PTPRM: variants seen among roughly 807,000 people sequenced by gnomAD.
PTPRM encodes the protein protein tyrosine phosphatase receptor type M, also known as receptor-type tyrosine-protein phosphatase mu.
A neutral mutation model predicts 186.7 loss-of-function variants in PTPRM; 47 were observed. The observed-to-expected ratio is 0.25, with a 90% confidence interval of 0.20 to 0.32. PTPRM has a LOEUF of 0.32. PTPRM is among the 10% of genes least tolerant of loss of function. The pLI, the probability that PTPRM is intolerant of heterozygous loss-of-function variation, is 1.00. For synonymous variants in PTPRM, 668 were observed against 674.9 expected, an observed-to-expected ratio of 0.99 and a Z score of 0.16; for missense variants, 1,494 against 1,865.0, an observed-to-expected ratio of 0.80 and a Z score of 3.66.
At chr18:7,594,350 G>C (rs559097637) in intron 1 of PTPRM, among the ~76,000 whole-genome samples, 45 of 152,098 alleles carry the variant, frequency 3.0e-4, no homozygotes, top group African/African-American at 9.9e-4. Flanking sequence ...CATGATGGCA[G>C]GTGCCTGTAA....
intron 1 of PTPRM, among the ~76,000 whole-genome samples, chr18:7,629,095 T>C (rs1482831771): frequency 6.6e-6 from 1 of 152,142 alleles, no homozygotes; most frequent in Admixed American, 6.5e-5. Context: ...GGTACACTCA[T>C]GGAAGCAGCC....
intron 19 of PTPRM, among the ~76,000 whole-genome samples, chr18:8,257,212 G>A (rs1214265730): frequency 6.6e-6 from 1 of 152,152 alleles, no homozygotes; most frequent in Non-Finnish European, 1.5e-5. Context: ...GGTGAAAGAG[G>A]GTAGCCATCC....
chr18:7,732,298 C>T (rs1234271274), intron 1 of PTPRM, among the ~76,000 whole-genome samples: 1 of 151,914 alleles, frequency 6.6e-6, no homozygotes, highest in African/African-American at 2.4e-5. Flanking sequence ...GAGCTGGCTT[C>T]GAAGGTGGTG....
intron 15 of PTPRM, among the ~76,000 whole-genome samples, chr18:8,246,563 C>T (rs1004272845): frequency 6.6e-6 from 1 of 152,038 alleles, no homozygotes; most frequent in African/African-American, 2.4e-5. Flanking sequence ...ACATCTTTAC[C>T]AACCACATAA....
At chr18:7,916,770 TATC>T (rs748503313) in intron 4 of PTPRM, among the ~76,000 whole-genome samples, 5 of 152,204 alleles carry the variant, frequency 3.3e-5, no homozygotes, top group Non-Finnish European at 5.9e-5. Flanking sequence ...CTCAAACATT[TATC>T]ATTTTTTTGT....
At chr18:8,352,104 T>C (rs1370885032) in intron 23 of PTPRM, among the ~76,000 whole-genome samples, 3 of 152,182 alleles carry the variant, frequency 2.0e-5, no homozygotes, top group Non-Finnish European at 1.5e-5. Context: ...AATCCAAAGA[T>C]AGTTATAATT....
chr18:7,675,376 CA>C (rs886400537), intron 1 of PTPRM, among the ~76,000 whole-genome samples: 1 of 152,102 alleles, frequency 6.6e-6, no homozygotes, highest in Admixed American at 6.6e-5. Context: ...AGATGAATAA[CA>C]TCCGCTGTGC....
intron 14 of PTPRM, among the ~76,000 whole-genome samples, chr18:8,224,912 T>C (rs112164803): frequency 1.4e-4 from 21 of 152,320 alleles, no homozygotes; most frequent in African/African-American, 5.1e-4. Context: ...TAAGTAGTGT[T>C]CTGTACTTCC....
intron 1 of PTPRM, among the ~76,000 whole-genome samples, chr18:7,698,800 G>A (rs1295064509): frequency 6.6e-6 from 1 of 152,146 alleles, no homozygotes; most frequent in Non-Finnish European, 1.5e-5. Context: ...TGGTTATGTG[G>A]TATTGTCACA....
At chr18:8,298,903 C>G (rs1027562192) in intron 20 of PTPRM, among the ~76,000 whole-genome samples, 1 of 152,094 alleles carries the variant, frequency 6.6e-6, no homozygotes. Context: ...TGCTTGAGGC[C>G]AGGAGTTGGA....
intron 7 of PTPRM, among the ~76,000 whole-genome samples, chr18:8,062,974 G>A (rs1428652566): frequency 1.3e-5 from 2 of 149,286 alleles, no homozygotes; most frequent in African/African-American, 2.5e-5. Flanking sequence ...CTAGAGCTGT[G>A]GTGGGCTCCA....
chr18:7,855,880 A>G (rs1382432571), intron 2 of PTPRM, among the ~76,000 whole-genome samples: 1 of 152,360 alleles, frequency 6.6e-6, no homozygotes, highest in East Asian at 1.9e-4. Flanking sequence ...GTTGTCAGGA[A>G]TGTGGCTGAA....
At chr18:8,232,050 C>A (rs1179661712) in intron 14 of PTPRM, among the ~76,000 whole-genome samples, 1 of 152,200 alleles carries the variant, frequency 6.6e-6, no homozygotes, top group Non-Finnish European at 1.5e-5. Flanking sequence ...CAGCCTAGAA[C>A]CTCCTCTGTG....
intron 9 of PTPRM, among the ~76,000 whole-genome samples, chr18:8,082,586 C>T (rs2090192913): frequency 6.7e-6 from 1 of 148,882 alleles, no homozygotes; most frequent in South Asian, 2.2e-4. Flanking sequence ...ACAGCTTTCT[C>T]TCCTTTGGCT....
chr18:8,178,850 G>A lies in PTPRM; in HGVS notation c.2300+35071G>A, dbSNP rs530517694. Among the ~76,000 whole-genome samples the A allele has an allele frequency of 1.2e-4, 18 of 152,156 alleles. No individual in the cohort carries two copies. The East Asian group carries it at 3.3e-3, about 28-fold the overall frequency. On this transcript the variant is annotated intron_variant, in intron 14 of 32. Transcript: ENST00000580170. ...CTTTGATGGAACTTTGTTCCATTAG[G>A]ATCTCAGATAAAATGTTTTAAAGCC... is the stretch of plus-strand genomic sequence containing the variant.
At chr18:8,251,761 G>A (rs2094530118) in intron 17 of PTPRM, 1 of 151,876 alleles carries the variant, frequency 6.6e-6, no homozygotes, top group South Asian at 2.1e-4. Flanking sequence ...AAGCACCCTT[G>A]GACTAAATTT....
At chr18:7,589,514 G>A (rs2143607887) in intron 1 of PTPRM, among the ~76,000 whole-genome samples, 1 of 152,250 alleles carries the variant, frequency 6.6e-6, no homozygotes, top group East Asian at 1.9e-4. Context: ...TTTCTAGATA[G>A]AGACCTGAAC....
At chr18:8,081,129 C>G (rs1044110631) in intron 9 of PTPRM, among the ~76,000 whole-genome samples, 2 of 152,166 alleles carry the variant, frequency 1.3e-5, no homozygotes, top group South Asian at 4.1e-4. Flanking sequence ...TCTTCTATAA[C>G]ATGCAAGTCA....
intron 5 of PTPRM, among the ~76,000 whole-genome samples, chr18:7,929,125 T>C (rs1427205713): frequency 6.6e-6 from 1 of 152,168 alleles, no homozygotes. Flanking sequence ...TATTAAAGAC[T>C]CTCCAAGTGA....
Sources: allele counts gnomAD v4.1 joint callset (sites outside exome capture counted in the v4.1 genomes callset), GRCh38; gene constraint gnomAD v4.1.1; transcripts MANE v1.5; gene names NCBI Gene and HGNC (gene_info 2026-07-23, HGNC 2026-07-21).